The following DCC variants were observed in gnomAD, a reference collection of about 807,000 sequenced individuals.
The protein encoded by DCC is DCC netrin 1 receptor.
DCC carries 58 observed loss-of-function variants against 172.5 expected under a neutral mutation model. The ratio of observed to expected loss-of-function variants is 0.34; its 90% CI spans 0.27 to 0.42. The LOEUF (loss-of-function observed/expected upper bound fraction) is 0.42. Among genes scored for constraint, DCC ranks in the 10% least tolerant of loss-of-function variants. DCC has a pLI of 1.00. For missense variants in DCC, 1,740 were observed against 1,791.0 expected, an observed-to-expected ratio of 0.97 and a Z score of 0.51; for synonymous variants, 709 against 644.5, an observed-to-expected ratio of 1.10 and a Z score of -1.52.
intron 2 of DCC, among the ~76,000 whole-genome samples, chr18:52,794,875 G>C (rs2037843287): frequency 6.6e-6 from 1 of 151,834 alleles, no homozygotes; most frequent in South Asian, 2.1e-4. Context: ...TTTGATGCCT[G>C]TTGAGAAGAT....
intron 5 of DCC, among the ~76,000 whole-genome samples, chr18:52,957,164 G>GA (rs1417604091): frequency 6.6e-6 from 1 of 151,976 alleles, no homozygotes; most frequent in South Asian, 2.1e-4. Context: ...CAGTAAAATT[G>GA]AAAAAATGTA....
intron 9 of DCC, among the ~76,000 whole-genome samples, chr18:53,183,768 A>AT (rs2055235819): frequency 6.6e-6 from 1 of 152,050 alleles, no homozygotes; most frequent in Non-Finnish European, 1.5e-5. Context: ...CCTTCATGAG[A>AT]TTTTAAAAAT....
At chr18:52,477,608 G>T (rs1310213479) in intron 1 of DCC, among the ~76,000 whole-genome samples, 1 of 152,056 alleles carries the variant, frequency 6.6e-6, no homozygotes, top group Non-Finnish European at 1.5e-5. Context: ...AGGGCTGCCA[G>T]CCCCACAAGG....
chr18:52,969,089 C>T (rs1213439929), intron 5 of DCC, among the ~76,000 whole-genome samples: 1 of 152,098 alleles, frequency 6.6e-6, no homozygotes, highest in Non-Finnish European at 1.5e-5. Context: ...TTCTTGTTCT[C>T]TAGGGCTCTG....
chr18:53,344,295 C>T (rs191148682), intron 15 of DCC, among the ~76,000 whole-genome samples: 25 of 152,022 alleles, frequency 1.6e-4, no homozygotes, highest in Admixed American at 1.4e-3. Flanking sequence ...ATTTTTATTA[C>T]CATTTAGTTC....
chr18:52,889,720 T>C (rs1425815661), intron 2 of DCC, among the ~76,000 whole-genome samples: 1 of 152,180 alleles, frequency 6.6e-6, no homozygotes, highest in Non-Finnish European at 1.5e-5. Context: ...GAAATTATTA[T>C]AAGTTTTAAA....
At chr18:53,090,238 G>A (rs931455694) in intron 7 of DCC, among the ~76,000 whole-genome samples, 1 of 152,116 alleles carries the variant, frequency 6.6e-6, no homozygotes, top group Non-Finnish European at 1.5e-5. Flanking sequence ...TTTCTTTAAA[G>A]GCAAATAGTT....
chr18:52,932,236 G>A (rs892612616), intron 5 of DCC, among the ~76,000 whole-genome samples: 4 of 152,106 alleles, frequency 2.6e-5, no homozygotes, highest in Non-Finnish European at 5.9e-5. Flanking sequence ...CTGGCTCAAG[G>A]ATTTTAATCT....
chr18:52,458,365 C>G (rs1483445028), intron 1 of DCC, among the ~76,000 whole-genome samples: 1 of 152,098 alleles, frequency 6.6e-6, no homozygotes, highest in Non-Finnish European at 1.5e-5. Flanking sequence ...TCATTGTCCC[C>G]CCCTGACTGC....
intron 12 of DCC, among the ~76,000 whole-genome samples, chr18:53,270,192 G>A (rs1467024284): frequency 1.3e-5 from 2 of 152,116 alleles, no homozygotes; most frequent in African/African-American, 4.8e-5. Flanking sequence ...TAAGACAGAT[G>A]CACAATATCT....
At chr18:53,222,529 C>T (rs565118152) in intron 12 of DCC, among the ~76,000 whole-genome samples, 3 of 151,684 alleles carry the variant, frequency 2.0e-5, no homozygotes, top group African/African-American at 7.2e-5. Context: ...GGACTACAGG[C>T]GTGTGCCACC....
intron 1 of DCC, among the ~76,000 whole-genome samples, chr18:52,523,261 C>T (rs1342988592): frequency 6.6e-6 from 1 of 152,116 alleles, no homozygotes; most frequent in Non-Finnish European, 1.5e-5. Context: ...GGTTTCCCAT[C>T]AGACATTTTG....
intron 1 of DCC, among the ~76,000 whole-genome samples, chr18:52,398,117 C>A (rs571259713): frequency 6.6e-6 from 1 of 151,948 alleles, no homozygotes; most frequent in South Asian, 2.1e-4. Flanking sequence ...AATGCTTTAA[C>A]TTTGACGGTA....
chr18:52,416,678 A>C (rs1339588109), intron 1 of DCC, among the ~76,000 whole-genome samples: 4 of 151,608 alleles, frequency 2.6e-5, no homozygotes, highest in Admixed American at 6.6e-5. Flanking sequence ...CTGTTTTATC[A>C]GAGACTAGGA....
In DCC at chr18:53,495,389, CAAA is replaced by C. The variant is rs71179511; in HGVS notation, c.3899-3894_3899-3892del. The stretch of plus-strand genomic sequence containing the variant: ...TGGGTAACAGAGCAAGACTCCATCT[CAAA>C]AAAAAAAAAAAAAAGAAAGAAAGAA... On this transcript the variant is annotated intron_variant, in intron 26 of 28. Coordinates refer to ENST00000442544, the MANE Select transcript of DCC (RefSeq NM_005215.4). Among the ~76,000 whole-genome samples the C allele has an allele frequency of 6.0e-3, 704 of 116,656 alleles. 26 individuals carry two copies. In the East Asian group the frequency reaches 0.12, roughly 20 times the overall value. 76.5% of individuals were successfully genotyped at this position (116,656 alleles called of 152,430 possible).
intron 27 of DCC, among the ~76,000 whole-genome samples, chr18:53,500,967 TTTGATAA>T (rs1442358414): frequency 1.3e-5 from 2 of 152,114 alleles, no homozygotes; most frequent in Non-Finnish European, 2.9e-5. Flanking sequence ...CTATGAAGTC[TTTGATAA>T]TTGAGGCAGA....
intron 7 of DCC, among the ~76,000 whole-genome samples, chr18:53,085,343 G>T (rs527692489): frequency 6.6e-6 from 1 of 151,998 alleles, no homozygotes; most frequent in East Asian, 1.9e-4. Flanking sequence ...CCTAGTCAGG[G>T]ATTTTTTTTT....
chr18:52,612,184 G>T (rs565997021), intron 1 of DCC, among the ~76,000 whole-genome samples: 3 of 152,122 alleles, frequency 2.0e-5, no homozygotes, highest in Non-Finnish European at 4.4e-5. Context: ...TCTTATCTTT[G>T]CAACAAGCCC....
intron 1 of DCC, among the ~76,000 whole-genome samples, chr18:52,510,393 T>C (rs899694653): frequency 2.0e-5 from 3 of 152,210 alleles, no homozygotes; most frequent in African/African-American, 7.2e-5. Context: ...AGCCTGCCTG[T>C]CTCCTAGGTA....
Sources: allele counts gnomAD v4.1 joint callset (sites outside exome capture counted in the v4.1 genomes callset), GRCh38; gene constraint gnomAD v4.1.1; transcripts MANE v1.5; gene names NCBI Gene and HGNC (gene_info 2026-07-23, HGNC 2026-07-21).